Variants in PIK3C2G observed in about 807,000 individuals in gnomAD.
PIK3C2G encodes the protein phosphatidylinositol-4-phosphate 3-kinase catalytic subunit type 2 gamma, also known as phosphatidylinositol 3-kinase C2 domain-containing subunit gamma.
A neutral mutation model predicts 181.1 loss-of-function variants in PIK3C2G; 168 were observed. That is an observed-to-expected ratio of 0.93 (90% CI 0.82 to 1.05). The LOEUF (loss-of-function observed/expected upper bound fraction) is 1.05. Among genes scored for constraint, PIK3C2G ranks in the 50% least tolerant of loss-of-function variants. The pLI is 0.00. For missense variants in PIK3C2G, 1,869 were observed against 1,732.8 expected (o/e 1.08, Z -1.40); for synonymous variants, 573 against 592.2 (o/e 0.97, Z 0.47).
chr12:18,466,838 C>T (rs1452991167), intron 18 of PIK3C2G, among the ~76,000 whole-genome samples: 2 of 151,994 alleles, frequency 1.3e-5, no homozygotes, highest in Non-Finnish European at 2.9e-5. Context: ...TCATCTGTTG[C>T]TAATAACTAA....
chr12:18,406,660 T>G (rs1432385211), intron 16 of PIK3C2G, among the ~76,000 whole-genome samples: 1 of 151,994 alleles, frequency 6.6e-6, no homozygotes, highest in Non-Finnish European at 1.5e-5. Context: ...GATAGATAGG[T>G]GAAGTAGCAA....
At chr12:18,476,316 C>T (rs1938986735) in intron 18 of PIK3C2G, among the ~76,000 whole-genome samples, 1 of 151,998 alleles carries the variant, frequency 6.6e-6, no homozygotes, top group African/African-American at 2.4e-5. Context: ...ATTCAAGTTA[C>T]CAAGGGTAGT....
chr12:18,319,481 A>C (rs1313436837), intron 6 of PIK3C2G, among the ~76,000 whole-genome samples: 1 of 151,828 alleles, frequency 6.6e-6, no homozygotes, highest in East Asian at 1.9e-4. Context: ...TAATTGTGAC[A>C]AAAAAAGTTT....
chr12:18,611,355 G>T (rs1399680321), intron 31 of PIK3C2G, among the ~76,000 whole-genome samples: 1 of 152,084 alleles, frequency 6.6e-6, no homozygotes, highest in African/African-American at 2.4e-5. Flanking sequence ...GTTTCAGTCT[G>T]CCTTCTCAGT....
At chr12:18,454,005 C>T (rs1264345090) in intron 18 of PIK3C2G, among the ~76,000 whole-genome samples, 1 of 152,116 alleles carries the variant, frequency 6.6e-6, no homozygotes, top group Non-Finnish European at 1.5e-5. Flanking sequence ...TGCCTTTGTA[C>T]ACCTATCTGA....
In PIK3C2G at chr12:18,282,295, G is replaced by T. The variant is rs1949253577; in HGVS notation, c.214G>T (p.Asp72Tyr). The T allele has an allele frequency of 6.2e-7, 1 of 1,613,238 alleles. No homozygotes were observed. Among genetic ancestry groups the T allele is most frequent in the Non-Finnish European group, 8.5e-7 (1 of 1,179,344 alleles). ...TTTTGTGCCCACTGCACCAAAATGG[G>T]ACTCAACAGGGCATTCATTAAATGA... The part of the protein sequence containing the change: ...TFFVPTAPKW[D>Y]STGHSLNEAH... Residue 72 changes from aspartate to tyrosine, a missense_variant, in exon 2 of 33, where the codon GAC (aspartate) becomes TAC (tyrosine). Asp to Tyr is a radical substitution (Grantham distance 160). Transcript: ENST00000538779.
intron 31 of PIK3C2G, among the ~76,000 whole-genome samples, chr12:18,620,527 CAGATAGATAGATAGATAGAT>C (rs72448986): frequency 2.7e-5 from 4 of 148,176 alleles, no homozygotes; most frequent in African/African-American, 1.0e-4. Context: ...ATTAGACAGA[CAGATAGATAGATAGATAGAT>C]AGATAGATAG....
At chr12:18,296,786 AT>A (rs1209063173) in intron 5 of PIK3C2G, among the ~76,000 whole-genome samples, 3 of 152,044 alleles carry the variant, frequency 2.0e-5, no homozygotes, top group Admixed American at 6.6e-5. Flanking sequence ...ATTTTAAATA[AT>A]ACAATATATA....
At chr12:18,665,170 T>TA in the PIK3C2G span, among the ~76,000 whole-genome samples, 22 of 148,108 alleles carry the variant, frequency 1.5e-4, no homozygotes, top group African/African-American at 3.7e-4. Flanking sequence ...TAATAAAAAA[T>TA]AAAAAAAAAT....
chr12:18,276,990 C>G (rs1183323758), intron 1 of PIK3C2G, among the ~76,000 whole-genome samples: 1 of 152,136 alleles, frequency 6.6e-6, no homozygotes, highest in Non-Finnish European at 1.5e-5. Context: ...GGCAGCTAAT[C>G]AAGACTGTGT....
intron 5 of PIK3C2G, among the ~76,000 whole-genome samples, chr12:18,302,411 G>A (rs989690371): frequency 6.6e-6 from 1 of 152,178 alleles, no homozygotes; most frequent in African/African-American, 2.4e-5. Flanking sequence ...TTCCAGCAGT[G>A]GTGGTGGTGC....
intron 3 of PIK3C2G, among the ~76,000 whole-genome samples, chr12:18,288,221 C>T (rs1949539662): frequency 6.6e-6 from 1 of 152,102 alleles, no homozygotes; most frequent in African/African-American, 2.4e-5. Flanking sequence ...AGTTTTAACT[C>T]AGTTTTGGCT....
the PIK3C2G span, among the ~76,000 whole-genome samples, chr12:18,688,400 A>T: frequency 6.6e-6 from 1 of 152,104 alleles, no homozygotes; most frequent in African/African-American, 2.4e-5. Flanking sequence ...TTATCAGTAG[A>T]TAAACACCAA....
At chr12:18,262,713 T>C (rs1591769769) in intron 1 of PIK3C2G, among the ~76,000 whole-genome samples, 1 of 152,168 alleles carries the variant, frequency 6.6e-6, no homozygotes, top group East Asian at 1.9e-4. Context: ...TGTGATGCCA[T>C]TGTGAACCCC....
intron 16 of PIK3C2G, among the ~76,000 whole-genome samples, chr12:18,419,737 T>C (rs1239621341): frequency 3.3e-5 from 5 of 152,140 alleles, no homozygotes; most frequent in Non-Finnish European, 5.9e-5. Context: ...ACCTTATAGG[T>C]AAAATTCTTG....
intron 31 of PIK3C2G, among the ~76,000 whole-genome samples, chr12:18,638,012 T>A (rs1355007922): frequency 1.3e-5 from 2 of 152,218 alleles, no homozygotes; most frequent in African/African-American, 4.8e-5. Flanking sequence ...ATGTTCTTTC[T>A]ACCATTATTT....
chr12:18,440,400 T>A (rs534489918), intron 18 of PIK3C2G, among the ~76,000 whole-genome samples: 3 of 152,208 alleles, frequency 2.0e-5, no homozygotes, highest in African/African-American at 7.2e-5. Context: ...TCCATACTTG[T>A]AAGGCATTGA....
intron 16 of PIK3C2G, among the ~76,000 whole-genome samples, chr12:18,420,228 T>G (rs1354536218): frequency 6.6e-6 from 1 of 152,144 alleles, no homozygotes; most frequent in Non-Finnish European, 1.5e-5. Flanking sequence ...TTGAGATAAT[T>G]GAATCTATTT....
intron 5 of PIK3C2G, among the ~76,000 whole-genome samples, chr12:18,301,722 T>A (rs1268860569): frequency 6.6e-6 from 1 of 152,178 alleles, no homozygotes; most frequent in Non-Finnish European, 1.5e-5. Flanking sequence ...TTCTTTGGAA[T>A]GAAATTCGTG....
Sources: gnomAD v4.1 joint callset for allele counts (sites outside exome capture counted in the v4.1 genomes callset) on GRCh38, gnomAD v4.1.1 for gene constraint, MANE v1.5 for transcripts, NCBI Gene and HGNC (gene_info 2026-07-23, HGNC 2026-07-21) for gene names.